Variants in BLTP3B observed in about 807,000 individuals in gnomAD.
The protein encoded by BLTP3B is UHRF1 (ICBP90) binding protein 1-like.
chr12:100,103,843 T>C, the BLTP3B span: 4 of 1,249,756 alleles, frequency 3.2e-6, no homozygotes, highest in African/African-American at 4.7e-5. Context: ...AACAAAAGAT[T>C]ACTATGAACA....
At chr12:100,056,617 C>T in the BLTP3B span, among the ~76,000 whole-genome samples, 1 of 151,490 alleles carries the variant, frequency 6.6e-6, no homozygotes, top group Non-Finnish European at 1.5e-5. Context: ...GTGCACGGAT[C>T]ATTCGAGGTC....
chr12:100,107,503 C>T, the BLTP3B span, among the ~76,000 whole-genome samples: 16 of 151,390 alleles, frequency 1.1e-4, no homozygotes, highest in East Asian at 2.0e-3. Context: ...GACGTGGTGG[C>T]ACGTGCCTGA....
At chr12:100,059,755 C>T in the BLTP3B span, 2 of 1,314,272 alleles carry the variant, frequency 1.5e-6, no homozygotes, top group Non-Finnish European at 2.1e-6. Context: ...AAAAACATAA[C>T]ATGAATTAAT....
At chr12:100,140,729 A>AAAAAAATATATATTT in the BLTP3B span, among the ~76,000 whole-genome samples, 1 of 61,506 alleles carries the variant, frequency 1.6e-5, no homozygotes, top group Non-Finnish European at 2.6e-5. Context: ...AAAAAAAAAA[A>AAAAAAATATATATTT]ATATATATAT....
the BLTP3B span, among the ~76,000 whole-genome samples, chr12:100,124,425 G>A: frequency 6.6e-6 from 1 of 151,304 alleles, no homozygotes; most frequent in African/African-American, 2.4e-5. Context: ...GCAACACAGA[G>A]ATCCTGTCTC....
chr12:100,100,918 A>G, the BLTP3B span, among the ~76,000 whole-genome samples: 1 of 152,150 alleles, frequency 6.6e-6, no homozygotes, highest in East Asian at 1.9e-4. Flanking sequence ...CCATACTGCC[A>G]TATGTCAAAA....
the BLTP3B span, among the ~76,000 whole-genome samples, chr12:100,057,006 T>C: frequency 0.04 from 6,147 of 152,240 alleles, 254 homozygotes; most frequent in African/African-American, 0.11. Context: ...TTTCTAGCAG[T>C]CTTTACTGGG....
chr12:100,094,626 G>T, the BLTP3B span, among the ~76,000 whole-genome samples: 1 of 152,216 alleles, frequency 6.6e-6, no homozygotes, highest in Non-Finnish European at 1.5e-5. Context: ...GGAGGCCAAG[G>T]CGGGCAGATC....
chr12:100,103,292 G>A, the BLTP3B span, among the ~76,000 whole-genome samples: 1 of 151,850 alleles, frequency 6.6e-6, no homozygotes, highest in African/African-American at 2.4e-5. Context: ...GAAATAAGCA[G>A]GAAATGTGAA....
the BLTP3B span, among the ~76,000 whole-genome samples, chr12:100,086,705 T>C: frequency 2.0e-5 from 3 of 152,154 alleles, no homozygotes; most frequent in Middle Eastern, 3.2e-3. Context: ...TTGGTTTTCA[T>C]AACAACCGCA....
chr12:100,049,098 T>C, the BLTP3B span, among the ~76,000 whole-genome samples: 2 of 151,622 alleles, frequency 1.3e-5, no homozygotes, highest in Non-Finnish European at 2.9e-5. Flanking sequence ...TGGAAAAAAG[T>C]AAGGATGGAA....
At chr12:100,087,929 C>T in the BLTP3B span, among the ~76,000 whole-genome samples, 10,431 of 152,148 alleles carry the variant, frequency 0.069, 391 homozygotes, top group South Asian at 0.088. Context: ...GTAAAAGATG[C>T]CAACTATAAG....
the BLTP3B span, among the ~76,000 whole-genome samples, chr12:100,048,771 A>AGTGT: frequency 0.027 from 3,100 of 114,992 alleles, 61 homozygotes; most frequent in African/African-American, 0.054. Context: ...AGTGAGAGTG[A>AGTGT]GTGTGTGTGT....
At chr12:100,124,251 G>A in the BLTP3B span, among the ~76,000 whole-genome samples, 2 of 152,014 alleles carry the variant, frequency 1.3e-5, no homozygotes, top group Non-Finnish European at 2.9e-5. Context: ...ATGCACTCCA[G>A]TCTGGGAGAG....
the BLTP3B span, among the ~76,000 whole-genome samples, chr12:100,130,086 T>C: frequency 3.3e-5 from 5 of 152,146 alleles, no homozygotes; most frequent in Non-Finnish European, 5.9e-5. Flanking sequence ...GCCTCCTGAG[T>C]ATCTGGGATT....
the BLTP3B span, among the ~76,000 whole-genome samples, chr12:100,133,404 A>G: frequency 2.6e-5 from 4 of 152,256 alleles, no homozygotes; most frequent in African/African-American, 7.2e-5. Context: ...AGGACCGCAG[A>G]GTCAAATGAT....
chr12:100,137,689 AC>A, the BLTP3B span, among the ~76,000 whole-genome samples: 1 of 152,072 alleles, frequency 6.6e-6, no homozygotes, highest in African/African-American at 2.4e-5. Flanking sequence ...TTGCTCCTAA[AC>A]CCTAGACTTC....
At chr12:100,080,418 T>C in the BLTP3B span, among the ~76,000 whole-genome samples, 3 of 151,898 alleles carry the variant, frequency 2.0e-5, no homozygotes, top group Admixed American at 6.6e-5. Context: ...AGTGGCGCGA[T>C]CTCAGCTCAC....
chr12:100,083,702 A>T, the BLTP3B span, among the ~76,000 whole-genome samples: 2 of 152,018 alleles, frequency 1.3e-5, no homozygotes, highest in Admixed American at 6.6e-5. Context: ...AAAAAAAAAA[A>T]AGTAGTAGTA....
Sources: gnomAD v4.1 joint callset for allele counts (sites outside exome capture counted in the v4.1 genomes callset) on GRCh38, gnomAD v4.1.1 for gene constraint, MANE v1.5 for transcripts, NCBI Gene and HGNC (gene_info 2026-07-23, HGNC 2026-07-21) for gene names.